Variants in KDM6A observed in about 807,000 individuals in gnomAD.
KDM6A encodes the protein lysine demethylase 6A, also known as lysine-specific demethylase 6A.
In KDM6A, 11 loss-of-function variants were observed where a neutral mutation model predicts 117.6. That is an observed-to-expected ratio of 0.09 (90% CI 0.06 to 0.15). The LOEUF is 0.15. Among genes scored for constraint, KDM6A ranks in the 10% least tolerant of loss-of-function variants. KDM6A has a pLI of 1.00. For missense variants in KDM6A, 799 were observed against 1,077.3 expected (o/e 0.74, Z 3.62); for synonymous variants, 384 against 396.1 (o/e 0.97, Z 0.36).
At chrX:44,896,867 ATAAAG>A (rs960788339) in intron 2 of KDM6A, among the ~76,000 whole-genome samples, 2 of 109,846 alleles carry the variant, frequency 1.8e-5, no homozygotes, top group Admixed American at 9.8e-5. Context: ...GTGTTCCCCT[ATAAAG>A]TAATGTATCA....
At chrX:44,967,168 C>G (rs2039074108) in intron 3 of KDM6A, among the ~76,000 whole-genome samples, 1 of 111,700 alleles carries the variant, frequency 9.0e-6, no homozygotes, top group African/African-American at 3.3e-5. Context: ...CCGCACCTGG[C>G]TAAAATAAAA....
At chrX:44,906,694 G>A (rs1359355745) in intron 2 of KDM6A, among the ~76,000 whole-genome samples, 1 of 110,381 alleles carries the variant, frequency 9.1e-6, no homozygotes, top group Admixed American at 9.6e-5. Flanking sequence ...TAGAGAGAGA[G>A]AGCGAGAGAG....
At chrX:45,040,150 C>A (rs1331436385) in intron 8 of KDM6A, among the ~76,000 whole-genome samples, 2 of 67,843 alleles carry the variant, frequency 2.9e-5, no homozygotes, top group Non-Finnish European at 5.6e-5. Context: ...CTGACCCCCC[C>A]ACCATCCTCC....
At chrX:45,067,762 C>G (rs1377226784) in intron 17 of KDM6A, among the ~76,000 whole-genome samples, 2 of 105,960 alleles carry the variant, frequency 1.9e-5, no homozygotes, top group Non-Finnish European at 3.8e-5. Context: ...AAGTGATTCT[C>G]CTGCCTCAGC....
At chrX:45,054,868 G>A (rs1339121130) in intron 10 of KDM6A, among the ~76,000 whole-genome samples, 2 of 111,472 alleles carry the variant, frequency 1.8e-5, no homozygotes, top group East Asian at 2.8e-4. Context: ...CTCTTGCCCC[G>A]GCCAAGGACA....
chrX:45,020,751 A>C, intron 6 of KDM6A, 21 bp downstream of exon 6: 1 of 1,204,222 alleles, frequency 8.3e-7, no homozygotes, highest in South Asian at 1.8e-5. Flanking sequence ...GGGTTTTTTC[A>C]AGATACAATG....
intron 2 of KDM6A, among the ~76,000 whole-genome samples, chrX:44,931,072 C>CT (rs983622956): frequency 9.1e-5 from 10 of 109,682 alleles, no homozygotes; most frequent in South Asian, 3.9e-4. Context: ...CTCTATTCTA[C>CT]TTTTTTTTTC....
At chrX:45,099,983 G>A (rs1158897315) in intron 27 of KDM6A, among the ~76,000 whole-genome samples, 2 of 108,834 alleles carry the variant, frequency 1.8e-5, no homozygotes, top group East Asian at 2.9e-4. Flanking sequence ...GCAGTGAGCC[G>A]AGATTGTGCC....
rs756955831 is a variant in KDM6A, at chrX:44,892,910, G to A, written c.225+18923G>A. On this transcript the variant is annotated intron_variant, in intron 2 of 29. Coordinates refer to ENST00000611820, the MANE Select transcript of KDM6A (RefSeq NM_001291415.2). ...CGCAGCTACTTGGGAGGCTGAGGCA[G>A]GAGAATCGCTTGGATCTGGGAGGCA... is the stretch of plus-strand genomic sequence containing the variant. 4.7e-5 allele frequency among the ~76,000 whole-genome samples: 5 copies of A among 106,970 alleles called. No homozygotes were observed. The South Asian group carries it at 2.1e-3, about 46-fold the overall frequency. The allele number at this position is 106,970 out of a possible 115,157, so 92.9% of individuals were successfully genotyped here. A position where few individuals can be genotyped will look rare whatever the true frequency, so the allele number is the denominator to read the frequency against.
intron 8 of KDM6A, among the ~76,000 whole-genome samples, chrX:45,050,370 A>G (rs1175275720): frequency 1.8e-5 from 2 of 112,193 alleles, no homozygotes; most frequent in African/African-American, 6.5e-5. Context: ...AAAACTGATC[A>G]TCTCAATAGA....
At chrX:44,994,615 T>C (rs2040777575) in intron 4 of KDM6A, among the ~76,000 whole-genome samples, 1 of 112,055 alleles carries the variant, frequency 8.9e-6, no homozygotes, top group African/African-American at 3.3e-5. Flanking sequence ...GCAAAAGAAA[T>C]AGCACTCGAA....
Position 45,040,676 on chromosome X carries a change from A to AC in KDM6A, c.654+2995dup, listed in dbSNP as rs1180014736. Among the ~76,000 whole-genome samples the AC allele has an allele frequency of 1.3e-3, 60 of 46,805 alleles. 2 individuals are homozygous for AC. Among genetic ancestry groups the AC allele is most frequent in the South Asian group, 3.1e-3 (2 of 640 alleles). 40.6% of individuals were successfully genotyped at this position (46,805 alleles called of 115,157 possible). A position where few individuals can be genotyped will look rare whatever the true frequency, so the allele number is the denominator to read the frequency against. On this transcript the variant is annotated intron_variant, in intron 8 of 29. Coordinates refer to ENST00000611820, the MANE Select transcript of KDM6A (RefSeq NM_001291415.2). ...GGGCGGCTGGCCGGGCGGGGGGCTG[A>AC]CCCCCCCCACCTCCCTCCCGGACGG...
rs928486956 is a variant in KDM6A at position 45,112,212 on chromosome X, T to C, written c.*801T>C. 1.3e-4 allele frequency: 20 copies of C among 157,022 alleles called. No homozygotes were observed. Among genetic ancestry groups the C allele is most frequent in the Non-Finnish European group, 2.0e-4 (16 of 80,971 alleles). The allele number at this position is 157,022 out of a possible 1,213,427, so 12.9% of individuals were successfully genotyped here. The stretch of plus-strand genomic sequence containing the variant: ...TATGTGTAAATAAAACTGCTTAGCA[T>C]TGTACAGAAACTTTTATTAAAATTG... On this transcript the variant is annotated 3_prime_UTR_variant, in exon 30 of 30. Transcript: ENST00000611820.
At chrX:44,929,243 CTTTTTT>C (rs72030337) in intron 2 of KDM6A, among the ~76,000 whole-genome samples, 1 of 82,881 alleles carries the variant, frequency 1.2e-5, no homozygotes. Flanking sequence ...GTCTAAGGGA[CTTTTTT>C]TTTTTTTTTT....
chrX:45,052,375 T>C (rs1008267979), intron 9 of KDM6A, among the ~76,000 whole-genome samples: 1 of 112,034 alleles, frequency 8.9e-6, no homozygotes, highest in Admixed American at 9.5e-5. Flanking sequence ...GGGTTGTTTT[T>C]TCAGTTTTGT....
chrX:45,051,521 T>A (rs2043847887), intron 8 of KDM6A, among the ~76,000 whole-genome samples, 188 bp from the exon 9 acceptor site: 2 of 112,180 alleles, frequency 1.8e-5, no homozygotes, highest in Admixed American at 1.9e-4. Flanking sequence ...TGGTGTTAGG[T>A]ACTCTGGAAC....
intron 18 of KDM6A, among the ~76,000 whole-genome samples, chrX:45,074,019 A>G (rs1160298630): frequency 8.9e-6 from 1 of 112,131 alleles, no homozygotes; most frequent in Non-Finnish European, 1.9e-5. Context: ...TCTAACGTTT[A>G]AGTCTTTAAT....
In KDM6A at chrX:44,968,668, T is replaced by G. The variant is rs151290325; in HGVS notation, c.335-5998T>G. Among the ~76,000 whole-genome samples, 640 of 112,209 alleles carry G rather than the reference T, an allele frequency of 5.7e-3. 3 individuals carry two copies. Among genetic ancestry groups the G allele is most frequent in the Non-Finnish European group, 8.4e-3 (445 of 53,249 alleles). On this transcript the variant is annotated intron_variant, in intron 3 of 29. Coordinates refer to ENST00000611820, the MANE Select transcript of KDM6A (RefSeq NM_001291415.2). The stretch of plus-strand genomic sequence containing the variant: ...AAGAGAGTCACGGAGGTTAAATTAG[T>G]TGATTAGAAAATCAGGTAGCAGCTG...
intron 4 of KDM6A, among the ~76,000 whole-genome samples, chrX:44,985,929 G>C (rs140230499): frequency 0.038 from 4,273 of 112,029 alleles, 213 homozygotes; most frequent in African/African-American, 0.13. Context: ...CTCATAAAAC[G>C]AGTTAGGGAG....
Sources: gnomAD v4.1 joint callset for allele counts (sites outside exome capture counted in the v4.1 genomes callset) on GRCh38, gnomAD v4.1.1 for gene constraint, MANE v1.5 for transcripts, NCBI Gene and HGNC (gene_info 2026-07-23, HGNC 2026-07-21) for gene names.